POSTN: variants seen among roughly 807,000 people sequenced by gnomAD.
The protein encoded by POSTN is periostin.
A neutral mutation model predicts 104.5 loss-of-function variants in POSTN; 71 were observed. That is an observed-to-expected ratio of 0.68 (90% CI 0.56 to 0.83). The LOEUF (loss-of-function observed/expected upper bound fraction) is 0.83, where lower values mean the gene tolerates loss of function less well. POSTN is among the 40% of genes least tolerant of loss of function. The pLI, the probability that POSTN is intolerant of heterozygous loss-of-function variation, is 0.00. For synonymous variants in POSTN, 355 were observed against 340.7 expected (o/e 1.04, Z -0.46); for missense variants, 949 against 1,006.8 (o/e 0.94, Z 0.78).
chr13:37,568,387 G>A (rs1037252045), intron 21 of POSTN, among the ~76,000 whole-genome samples: 48 of 151,928 alleles, frequency 3.2e-4, no homozygotes, highest in African/African-American at 1.1e-3. Flanking sequence ...CATTTTCTTG[G>A]ACATAGTGAT....
chr13:37,579,182 C>T lies in POSTN; in HGVS notation c.1791+47G>A, dbSNP rs199869657. ...TCATTAAGGATGAATATTTAGATAA[C>T]TTAATGATGGATGAACACTATCATA... On this transcript the variant is annotated intron_variant, in intron 13 of 22. Transcript: ENST00000379747. The T allele has an allele frequency of 5.0e-4, 803 of 1,604,964 alleles. 1 individual carries two copies. The highest frequency in any genetic ancestry group is 1.7e-3 in the Middle Eastern group (10 of 6,032).
At chr13:37,577,968 G>C (rs1283630719) in intron 15 of POSTN, among the ~76,000 whole-genome samples, 170 bp from the exon 16 acceptor site, 1 of 151,602 alleles carries the variant, frequency 6.6e-6, no homozygotes, top group Non-Finnish European at 1.5e-5. Flanking sequence ...TCAGGTCAGA[G>C]GGCATAAAAA....
chr13:37,566,267 AG>A (rs2138142017), intron 21 of POSTN, among the ~76,000 whole-genome samples: 1 of 152,344 alleles, frequency 6.6e-6, no homozygotes, highest in Admixed American at 6.5e-5. Flanking sequence ...ATTGGCACAA[AG>A]AACCACCCTA....
chr13:37,589,204 A>G (rs762964927), intron 4 of POSTN, among the ~76,000 whole-genome samples: 11 of 152,206 alleles, frequency 7.2e-5, no homozygotes, highest in South Asian at 2.1e-4. Flanking sequence ...CTGAGGTTCC[A>G]AGAAGAAACA....
chr13:37,583,019 T>A (rs1208753777), intron 9 of POSTN, among the ~76,000 whole-genome samples: 1 of 152,214 alleles, frequency 6.6e-6, no homozygotes, highest in African/African-American at 2.4e-5. Context: ...TTTTTTTGAT[T>A]AATAGTTTTT....
chr13:37,589,032 A>C (rs1026184775), intron 4 of POSTN, among the ~76,000 whole-genome samples: 3 of 152,184 alleles, frequency 2.0e-5, no homozygotes, highest in Middle Eastern at 3.2e-3. Flanking sequence ...TTCAAGTCTG[A>C]ACATTGACAC....
intron 16 of POSTN, among the ~76,000 whole-genome samples, chr13:37,577,321 G>A (rs139912151): frequency 1.1e-3 from 162 of 152,200 alleles, no homozygotes; most frequent in African/African-American, 3.7e-3. Flanking sequence ...ATAAACATTG[G>A]TATTCTTCAA....
At chr13:37,567,864 C>T (rs983470043) in intron 21 of POSTN, among the ~76,000 whole-genome samples, 1 of 152,050 alleles carries the variant, frequency 6.6e-6, no homozygotes, top group African/African-American at 2.4e-5. Flanking sequence ...ATAACAGGGG[C>T]TTATCAAAGG....
chr13:37,582,303 A>G, intron 10 of POSTN, 63 bp downstream of exon 10: 1 of 1,503,738 alleles, frequency 6.7e-7, no homozygotes. Flanking sequence ...TGAAATATTC[A>G]TTGAAACAGC....
intron 16 of POSTN, 26 bp downstream of exon 16, chr13:37,577,727 G>A (rs1483399998): frequency 1.9e-6 from 3 of 1,606,280 alleles, no homozygotes; most frequent in Non-Finnish European, 2.6e-6. Flanking sequence ...TGCCACCCAG[G>A]TGGCCAATAT....
chr13:37,576,963 T>A (rs1950427306), intron 16 of POSTN, among the ~76,000 whole-genome samples: 1 of 152,108 alleles, frequency 6.6e-6, no homozygotes, highest in Non-Finnish European at 1.5e-5. Context: ...CTAGCCAGAA[T>A]AAATGTGGGT....
At chr13:37,574,756 C>T (rs8000073) in intron 16 of POSTN, 104 bp from the exon 17 acceptor site, 902,035 of 1,362,702 alleles carry the variant, frequency 0.66, 300,677 homozygotes, top group East Asian at 0.87. Context: ...GATACTAAGG[C>T]ACAGGATGTG....
At chr13:37,594,123 G>A (rs1361333857) in intron 2 of POSTN, among the ~76,000 whole-genome samples, 1 of 152,060 alleles carries the variant, frequency 6.6e-6, no homozygotes, top group Non-Finnish European at 1.5e-5. Flanking sequence ...ATGAGCTCTT[G>A]TAAATAAATC....
At chr13:37,584,165 C>T in intron 8 of POSTN, 62 bp from the exon 9 acceptor site, 2 of 1,583,906 alleles carry the variant, frequency 1.3e-6, no homozygotes, top group Non-Finnish European at 1.7e-6. Context: ...CATCATGAAA[C>T]TAGTAAATCA....
intron 4 of POSTN, 37 bp from the exon 5 acceptor site, chr13:37,588,023 G>T (rs1460861014): frequency 1.3e-6 from 2 of 1,494,882 alleles, no homozygotes; most frequent in Non-Finnish European, 1.8e-6. Flanking sequence ...TCAATTTATT[G>T]TGGAACATTA....
In POSTN at chr13:37,563,187, A is replaced by AG. The variant is rs1328448529; in HGVS notation, c.*145_*146insC. On this transcript the variant is annotated 3_prime_UTR_variant, in exon 23 of 23. Coordinates refer to ENST00000379747, the MANE Select transcript of POSTN (RefSeq NM_006475.3). Reference sequence around the variant, plus strand: ...TCATGTTTCTCATTCAGAAAAAAAAATATTAAATTTGTGTTCAGAATTATT... The same window carrying AG: ...TCATGTTTCTCATTCAGAAAAAAAAAGTATTAAATTTGTGTTCAGAATTATT... 2 of 458,278 alleles carry AG rather than the reference A, an allele frequency of 4.4e-6. No homozygotes were observed. Among genetic ancestry groups the AG allele is most frequent in the Admixed American group, 7.8e-5 (2 of 25,534 alleles). The allele number at this position is 458,278 out of a possible 1,614,324, so 28.4% of individuals were successfully genotyped here.
Position 37,570,644 on chromosome 13 carries a change from T to C in POSTN, c.2205A>G (p.Lys735=), listed in dbSNP as rs1473914218. 1 of 1,607,802 alleles carries C rather than the reference T, an allele frequency of 6.2e-7. No homozygotes were observed. The highest frequency in any genetic ancestry group is 8.5e-7 in the Non-Finnish European group (1 of 1,174,788). ...TTTCCACAGGCACTCCATCAATGAT[T>C]TTGGTGTATTTTTTAATAATTGGCT... ...HGEPIIKKYT[K]IIDGVPVEIT... The change falls in exon 19 of 23, where the codon AAA becomes AAG. Residue 735 remains lysine (K), a synonymous_variant. Transcript: ENST00000379747.
At chr13:37,565,289 T>C (rs913825788) in intron 21 of POSTN, 1 of 152,032 alleles carries the variant, frequency 6.6e-6, no homozygotes, top group Non-Finnish European at 1.5e-5. Context: ...TTTTAGTTTA[T>C]TGACAAGACT....
rs201535339 is a variant in POSTN, at chr13:37,598,630, G to C, written c.97C>G (p.Arg33Gly). The C allele has an allele frequency of 6.2e-7, 1 of 1,612,642 alleles. No homozygotes were observed. Among genetic ancestry groups the C allele is most frequent in the Middle Eastern group, 1.7e-4 (1 of 6,052 alleles). Residue 33 changes from arginine to glycine, a missense_variant, in exon 1 of 23, where the codon CGT becomes GGT. Arg to Gly is a moderately radical substitution (Grantham distance 125). Coordinates refer to ENST00000379747, the MANE Select transcript of POSTN (RefSeq NM_006475.3). ...TACCCTTGGTCCCGACCCCTGATACGACTATGAGCCAAGATCTTGTCATAA... is the reference window on the plus strand; with the variant it reads ...TACCCTTGGTCCCGACCCCTGATACCACTATGAGCCAAGATCTTGTCATAA... The part of the protein sequence containing the change: ...NHYDKILAHS[R>G]IRGRDQGPNV...
Sources: allele counts gnomAD v4.1 joint callset (sites outside exome capture counted in the v4.1 genomes callset), GRCh38; gene constraint gnomAD v4.1.1; transcripts MANE v1.5; gene names NCBI Gene and HGNC (gene_info 2026-07-23, HGNC 2026-07-21).